Variants in CSF2RB observed in about 807,000 individuals in gnomAD.
The protein encoded by CSF2RB is colony stimulating factor 2 receptor subunit beta, also known as cytokine receptor common subunit beta.
A neutral mutation model predicts 67.2 loss-of-function variants in CSF2RB; 22 were observed. That is an observed-to-expected ratio of 0.33 (90% confidence interval 0.23 to 0.47). The LOEUF is 0.47. Among genes scored for constraint, CSF2RB ranks in the 20% least tolerant of loss-of-function variants. The pLI is 1.00. For synonymous variants in CSF2RB, 507 were observed against 482.9 expected (o/e 1.05, Z -0.65); for missense variants, 1,113 against 1,174.5 (o/e 0.95, Z 0.76).
chr22:36,931,145 C>T (rs910632286), intron 8 of CSF2RB, among the ~76,000 whole-genome samples: 1 of 152,224 alleles, frequency 6.6e-6, no homozygotes, highest in Non-Finnish European at 1.5e-5. Context: ...CCTTTCATTC[C>T]TCATTGGATT....
At chr22:36,936,490 C>T in intron 12 of CSF2RB, 59 bp from the exon 13 acceptor site, 2 of 1,438,544 alleles carry the variant, frequency 1.4e-6, no homozygotes, top group Non-Finnish European at 2.0e-6. Flanking sequence ...TCACCCTCTG[C>T]CTTGCCCCCA....
Position 36,922,041 on chromosome 22 carries a change from G to A in CSF2RB, c.-167G>A. 1 of 641,170 alleles carries A rather than the reference G, an allele frequency of 1.6e-6. No individual in the cohort carries two copies. The highest frequency in any genetic ancestry group is 1.7e-5 in the South Asian group (1 of 57,452). The allele number at this position is 641,170 out of a possible 1,614,324, so 39.7% of individuals were successfully genotyped here. A position where few individuals can be genotyped will look rare whatever the true frequency, so the allele number is the denominator to read the frequency against. The stretch of plus-strand genomic sequence containing the variant: ...GCTGACATCTCCTTCTGCAGGCCTG[G>A]AGGAGGCAGAGGCCAGGAGGGAGAG... On this transcript the variant is annotated 5_prime_UTR_variant, in exon 2 of 14. Transcript: ENST00000403662.
rs1941349218 is a variant in CSF2RB, at chr22:36,939,761, T to C, written c.*1259T>C. 1.3e-5 allele frequency: 2 copies of C among 159,800 alleles called. No homozygotes were observed. The highest frequency in any genetic ancestry group is 1.7e-4 in the South Asian group (1 of 5,738). The allele number at this position is 159,800 out of a possible 1,614,324, so 9.9% of individuals were successfully genotyped here. ...GTGGAGTGTTTTTCCCCCAAATCTG[T>C]TGTTTGTCTTATAATGTTGTATATG... is the stretch of plus-strand genomic sequence containing the variant. On this transcript the variant is annotated 3_prime_UTR_variant, in exon 14 of 14. Transcript: ENST00000403662.
rs1415093726 is a variant in CSF2RB at position 36,923,138 on chromosome 22, C to T, written c.77-106C>T. 1.9e-6 allele frequency: 3 copies of T among 1,569,222 alleles called. No individual in the cohort carries two copies. In the South Asian group the frequency reaches 3.4e-5, roughly 18 times the overall value. On this transcript the variant is annotated intron_variant, in intron 2 of 13. Transcript: ENST00000403662. ...GGCCACCTGGTGCCTCTGCAGGGAC[C>T]TGGGAGACCCCTCCCCAGAGCGGGA... is the stretch of plus-strand genomic sequence containing the variant.
In CSF2RB at chr22:36,937,583, C is replaced by T. The variant is rs1429891892; in HGVS notation, c.1775C>T (p.Pro592Leu). The T allele has an allele frequency of 1.2e-6, 2 of 1,604,664 alleles. No individual in the cohort carries two copies. The highest frequency in any genetic ancestry group is 2.2e-5 in the South Asian group (2 of 90,224). Residue 592 changes from proline (P) to leucine (L), a missense_variant, in exon 14 of 14, where the codon CCC (proline) becomes CTC (leucine). This residue lies in a region of CSF2RB where 554 missense variants were observed against 517.9 expected (regional missense o/e 1.07). Transcript: ENST00000403662. The surrounding 1 kb of genome is among the most constrained non-coding windows in gnomAD (Gnocchi z 4.6). ...KQASSFDFNG[P>L]YLGPPHSRSL... ...GCTTCCAGCTTTGACTTCAATGGGC[C>T]CTACCTGGGGCCGCCCCACAGCCGC...
chr22:36,920,570 T>C (rs1940833889), intron 1 of CSF2RB, among the ~76,000 whole-genome samples: 1 of 152,252 alleles, frequency 6.6e-6, no homozygotes, highest in South Asian at 2.1e-4. Flanking sequence ...GGTATGTTGT[T>C]ACAGTAGCCT....
rs369426735 is a variant in CSF2RB at position 36,938,137 on chromosome 22, C to T, written c.2329C>T (p.Pro777Ser). 6.8e-6 allele frequency: 11 copies of T among 1,613,992 alleles called. No individual in the cohort carries two copies. The highest frequency in any genetic ancestry group is 1.3e-5 in the African/African-American group (1 of 74,904). ...VELPPIEGRS[P>S]RSPRNNPVPP... Reference sequence around the variant, plus strand: ...GCTCCCTCCAATTGAGGGCCGGTCCCCCAGGTCACCAAGGAACAATCCTGT... The same window carrying T: ...GCTCCCTCCAATTGAGGGCCGGTCCTCCAGGTCACCAAGGAACAATCCTGT... The change falls in exon 14 of 14, where the codon CCC becomes TCC. Residue 777 changes from proline to serine, a missense_variant. Pro to Ser is a moderately conservative substitution (Grantham distance 74). This residue lies in a region of CSF2RB where 554 missense variants were observed against 517.9 expected (regional missense o/e 1.07). Coordinates refer to ENST00000403662, the MANE Select transcript of CSF2RB (RefSeq NM_000395.3).
intron 1 of CSF2RB, among the ~76,000 whole-genome samples, chr22:36,916,652 G>A (rs910118232): frequency 5.9e-5 from 9 of 152,142 alleles, no homozygotes; most frequent in African/African-American, 7.2e-5. Context: ...GAAGTTGGAC[G>A]TTCAAGACCA....
intron 8 of CSF2RB, among the ~76,000 whole-genome samples, chr22:36,931,108 C>G (rs544969428): frequency 2.0e-5 from 3 of 152,338 alleles, no homozygotes; most frequent in African/African-American, 7.2e-5. Flanking sequence ...CTAGCCACAC[C>G]CTCCTGGTCC....
chr22:36,932,707 G>T (rs570985281), intron 8 of CSF2RB, 58 bp from the exon 9 acceptor site: 71 of 1,590,696 alleles, frequency 4.5e-5, no homozygotes, highest in Middle Eastern at 1.9e-4. Flanking sequence ...TGAGACACGG[G>T]GAATGTTCCG....
chr22:36,932,725 G>A (rs1941175092), intron 8 of CSF2RB, 40 bp from the exon 9 acceptor site: 1 of 1,606,510 alleles, frequency 6.2e-7, no homozygotes, highest in Non-Finnish European at 8.5e-7. Context: ...CCGTTGGAGG[G>A]TGGGTATGAT....
At position 36,939,208 on chromosome 22, in the gene CSF2RB, T is replaced by C. The variant is rs1368935021; in HGVS notation, c.*706T>C. The C allele has an allele frequency of 1.4e-6, 1 of 702,354 alleles. No homozygotes were observed. Among genetic ancestry groups the C allele is most frequent in the East Asian group, 2.7e-5 (1 of 37,290 alleles). 43.5% of individuals were successfully genotyped at this position (702,354 alleles called of 1,614,324 possible). On this transcript the variant is annotated 3_prime_UTR_variant, in exon 14 of 14. Coordinates refer to ENST00000403662, the MANE Select transcript of CSF2RB (RefSeq NM_000395.3). ...GGAGCCCTGCTAGTTGTCTCAGTGA[T>C]GTCTGTGGGACCTCCAGTCCCTTGA...
In CSF2RB at chr22:36,937,185, C is replaced by T. The variant is rs1361589371; in HGVS notation, c.1569-192C>T. ...ATGGAGCTCCTGAGCCACGGAAAGA[C>T]TGAATCCATGTCCCATGTCCTTCTC... On this transcript the variant is annotated intron_variant, in intron 13 of 13. Coordinates refer to ENST00000403662, the MANE Select transcript of CSF2RB (RefSeq NM_000395.3). This position sits in a 1 kb window ranked among gnomAD's most constrained non-coding sequence, Gnocchi z 4.6. 4.6e-5 allele frequency among the ~76,000 whole-genome samples: 7 copies of T among 152,124 alleles called. No homozygotes were observed. Among genetic ancestry groups the T allele is most frequent in the African/African-American group, 1.4e-4 (6 of 41,406 alleles).
At chr22:36,923,696 G>A (rs1440252745) in intron 3 of CSF2RB, 11 of 1,330,474 alleles carry the variant, frequency 8.3e-6, no homozygotes, top group African/African-American at 1.5e-5. Flanking sequence ...CCTCCTCACT[G>A]TGAGGTGGGC....
chr22:36,914,389 ATCTCTCTCTC>A lies in CSF2RB; in HGVS notation c.-173+729_-173+738del, dbSNP rs10534185. 1.1e-4 allele frequency among the ~76,000 whole-genome samples: 16 copies of A among 145,878 alleles called. No individual in the cohort carries two copies. The East Asian group carries it at 1.6e-3, about 15-fold the overall frequency. ...GAGACATACCAGGCACTATCCAGCA[ATCTCTCTCTC>A]TCTCTCTCTCTCTCTCAGTCTCTCT... On this transcript the variant is annotated intron_variant, in intron 1 of 13. Transcript: ENST00000403662.
intron 1 of CSF2RB, among the ~76,000 whole-genome samples, chr22:36,916,586 A>G (rs1013950737): frequency 6.6e-6 from 1 of 152,138 alleles, no homozygotes; most frequent in Non-Finnish European, 1.5e-5. Flanking sequence ...GGCCAGGCAC[A>G]GTGGCTCATG....
chr22:36,927,062 C>G (rs1197580376), intron 4 of CSF2RB, among the ~76,000 whole-genome samples: 1 of 152,164 alleles, frequency 6.6e-6, no homozygotes, highest in Admixed American at 6.5e-5. Flanking sequence ...AGCTGAGATC[C>G]AGTGCAGGAT....
Position 36,922,076 on chromosome 22 carries a change from G to T in CSF2RB, c.-132G>T. 1.3e-6 allele frequency: 1 copy of T among 777,834 alleles called. No individual in the cohort carries two copies. The highest frequency in any genetic ancestry group is 2.2e-6 in the Non-Finnish European group (1 of 461,884). The allele number at this position is 777,834 out of a possible 1,614,324, so 48.2% of individuals were successfully genotyped here. A position where few individuals can be genotyped will look rare whatever the true frequency, so the allele number is the denominator to read the frequency against. The stretch of plus-strand genomic sequence containing the variant: ...AGGCCAGGAGGGAGAGGTCCCAAGA[G>T]CCTGTGAAATGGGTCTGGCCTGGCT... On this transcript the variant is annotated 5_prime_UTR_variant, in exon 2 of 14. Transcript: ENST00000403662.
chr22:36,923,554 C>A (rs764456377), intron 3 of CSF2RB, among the ~76,000 whole-genome samples, 187 bp downstream of exon 3: 1 of 152,194 alleles, frequency 6.6e-6, no homozygotes, highest in African/African-American at 2.4e-5. Flanking sequence ...CGGGTGCTGC[C>A]GTCTGACCTG....
Sources: allele counts gnomAD v4.1 joint callset (sites outside exome capture counted in the v4.1 genomes callset), GRCh38; gene constraint gnomAD v4.1.1; regional missense constraint gnomAD v4.1.1; non-coding constraint Gnocchi (gnomAD v3.1); transcripts MANE v1.5; gene names NCBI Gene and HGNC (gene_info 2026-07-23, HGNC 2026-07-21).